Variants in PHF24 observed in about 807,000 individuals in gnomAD.
PHF24 encodes Galpha inhibitory interacting protein.
In PHF24, 25 loss-of-function variants were observed where a neutral mutation model predicts 42.6. The observed-to-expected ratio is 0.59, with a 90% CI of 0.43 to 0.82. The LOEUF is 0.82. PHF24 is among the 40% of genes least tolerant of loss of function. PHF24 has a pLI of 0.00. For missense variants in PHF24, 470 were observed against 538.1 expected, an observed-to-expected ratio of 0.87 and a Z score of 1.25; for synonymous variants, 185 against 204.8, an observed-to-expected ratio of 0.90 and a Z score of 0.83.
chr9:34,818,032 G>A, the PHF24 span, among the ~76,000 whole-genome samples: 3 of 151,766 alleles, frequency 2.0e-5, no homozygotes, highest in Non-Finnish European at 2.9e-5. Flanking sequence ...ACTGATTATT[G>A]CATATTTACT....
At chr9:34,920,723 G>A in the PHF24 span, among the ~76,000 whole-genome samples, 2 of 151,880 alleles carry the variant, frequency 1.3e-5, no homozygotes, top group African/African-American at 4.8e-5. Context: ...CACTTCTTTG[G>A]TTAAGTTTGT....
the PHF24 span, among the ~76,000 whole-genome samples, chr9:34,919,712 C>T: frequency 2.3e-4 from 14 of 61,922 alleles, no homozygotes; most frequent in Non-Finnish European, 5.9e-4. Flanking sequence ...ACACACACAT[C>T]CCAACCCCTG....
At chr9:34,726,748 T>C in the PHF24 span, 1 of 1,551,662 alleles carries the variant, frequency 6.4e-7, no homozygotes, top group East Asian at 2.4e-5. Flanking sequence ...CAGATGACAG[T>C]GAAAGCTCTC....
chr9:34,935,704 G>C, the PHF24 span, among the ~76,000 whole-genome samples: 16 of 151,182 alleles, frequency 1.1e-4, no homozygotes, highest in Non-Finnish European at 2.1e-4. Flanking sequence ...AAATTAAAAA[G>C]GGTTGTGGAA....
At chr9:34,850,293 G>A in the PHF24 span, among the ~76,000 whole-genome samples, 52 of 152,192 alleles carry the variant, frequency 3.4e-4, 1 homozygote, top group South Asian at 1.2e-3. Flanking sequence ...TGGAGGCTTT[G>A]TTCATTTCTT....
At chr9:34,708,700 C>T in the PHF24 span, among the ~76,000 whole-genome samples, 2 of 152,258 alleles carry the variant, frequency 1.3e-5, no homozygotes, top group East Asian at 1.9e-4. Context: ...GGAAAAGATC[C>T]GAAGGTCACC....
At chr9:34,806,166 T>A in the PHF24 span, among the ~76,000 whole-genome samples, 8 of 152,146 alleles carry the variant, frequency 5.3e-5, no homozygotes, top group Admixed American at 2.0e-4. Context: ...CCTCTTACTT[T>A]ATTTTTTTTT....
chr9:34,856,019 A>G, the PHF24 span, among the ~76,000 whole-genome samples: 5 of 152,140 alleles, frequency 3.3e-5, no homozygotes, highest in Admixed American at 2.6e-4. Context: ...TTTCAGAAAG[A>G]TAGTCTTCAA....
At chr9:34,741,885 T>C in the PHF24 span, among the ~76,000 whole-genome samples, 1 of 151,840 alleles carries the variant, frequency 6.6e-6, no homozygotes, top group African/African-American at 2.4e-5. Flanking sequence ...TATTTCATCA[T>C]ACTAGTTTTA....
the PHF24 span, among the ~76,000 whole-genome samples, chr9:34,921,215 C>T: frequency 6.7e-6 from 1 of 148,330 alleles, no homozygotes; most frequent in South Asian, 2.3e-4. Flanking sequence ...ATTCCATTTA[C>T]ATGAATTTAA....
At chr9:34,832,685 A>T in the PHF24 span, 6 of 1,543,212 alleles carry the variant, frequency 3.9e-6, no homozygotes, top group Non-Finnish European at 5.3e-6. Context: ...TAGACTCTGT[A>T]AGGCTGGGCT....
chr9:34,923,567 T>C, the PHF24 span, among the ~76,000 whole-genome samples: 1 of 152,188 alleles, frequency 6.6e-6, no homozygotes, highest in African/African-American at 2.4e-5. Flanking sequence ...GTTGTATGTA[T>C]GTAGGAATTT....
At chr9:34,849,225 T>G in the PHF24 span, among the ~76,000 whole-genome samples, 1 of 152,100 alleles carries the variant, frequency 6.6e-6, no homozygotes, top group East Asian at 1.9e-4. Flanking sequence ...ATTATTATTG[T>G]GTGGGAGTCT....
At chr9:34,771,725 A>G in the PHF24 span, among the ~76,000 whole-genome samples, 1 of 152,154 alleles carries the variant, frequency 6.6e-6, no homozygotes, top group African/African-American at 2.4e-5. Context: ...TAATCAGGAG[A>G]AAGATTTTGA....
the PHF24 span, among the ~76,000 whole-genome samples, chr9:34,765,029 G>A: frequency 4.0e-5 from 6 of 151,780 alleles, no homozygotes; most frequent in Admixed American, 1.3e-4. Context: ...TTTCTTAATC[G>A]TGAGTTCTAG....
the PHF24 span, among the ~76,000 whole-genome samples, chr9:34,687,359 G>A: frequency 6.6e-6 from 1 of 152,176 alleles, no homozygotes; most frequent in Non-Finnish European, 1.5e-5. Flanking sequence ...TGGCGGTTTA[G>A]CATGAGAACC....
the PHF24 span, chr9:34,833,296 C>T: frequency 4.8e-5 from 74 of 1,551,310 alleles, no homozygotes; most frequent in Non-Finnish European, 6.0e-5. Flanking sequence ...GGGCCTCTGT[C>T]ATGTCCCCAC....
At chr9:34,844,413 T>C in the PHF24 span, among the ~76,000 whole-genome samples, 1 of 152,170 alleles carries the variant, frequency 6.6e-6, no homozygotes, top group Non-Finnish European at 1.5e-5. Flanking sequence ...TTTTTTGATG[T>C]AGGCATTTAT....
the PHF24 span, among the ~76,000 whole-genome samples, chr9:34,740,011 G>C: frequency 6.6e-6 from 1 of 152,142 alleles, no homozygotes; most frequent in African/African-American, 2.4e-5. Flanking sequence ...ACAGAGTGTC[G>C]ATTGGTGCAT....
Sources: gnomAD v4.1 joint callset for allele counts (sites outside exome capture counted in the v4.1 genomes callset) on GRCh38, gnomAD v4.1.1 for gene constraint, MANE v1.5 for transcripts, NCBI Gene and HGNC (gene_info 2026-07-23, HGNC 2026-07-21) for gene names.